The following PEPD variants were observed in gnomAD, a reference collection of about 807,000 sequenced individuals.
PEPD encodes the protein peptidase D.
PEPD carries 53 observed loss-of-function variants against 60.7 expected under a neutral mutation model. The ratio of observed to expected loss-of-function variants is 0.87; its 90% CI spans 0.70 to 1.10. The LOEUF (loss-of-function observed/expected upper bound fraction) is 1.10. Ranked by LOEUF, PEPD falls within the 50% of genes least tolerant of loss-of-function variation. PEPD has a pLI of 0.00. For missense variants in PEPD, 711 were observed against 711.9 expected (o/e 1.00, Z 0.01); for synonymous variants, 267 against 284.1 (o/e 0.94, Z 0.60).
intron 1 of PEPD, among the ~76,000 whole-genome samples, chr19:33,519,825 G>C (rs1171768596): frequency 6.6e-6 from 1 of 152,156 alleles, no homozygotes; most frequent in African/African-American, 2.4e-5. Context: ...TAGCACTTTG[G>C]GAGGCGGAGG....
chr19:33,393,534 G>A (rs902700115), intron 12 of PEPD, among the ~76,000 whole-genome samples: 50 of 137,090 alleles, frequency 3.6e-4, no homozygotes, highest in Non-Finnish European at 6.7e-4. Context: ...CCACCTCCGT[G>A]AGCCTCAGCT....
Position 33,413,589 on chromosome 19 carries a change from G to C in PEPD, c.726C>G (p.Thr242=). 6.3e-7 allele frequency: 1 copy of C among 1,579,752 alleles called. No homozygotes were observed. Among genetic ancestry groups the C allele is most frequent in the Non-Finnish European group, 8.6e-7 (1 of 1,161,522 alleles). The change falls in exon 10 of 15, where the codon ACC becomes ACG. Residue 242 remains threonine, a synonymous_variant. Transcript: ENST00000244137. ...SRGGMRHSSY[T]CICGSGENSA... is the part of the protein sequence containing the mutation. ...GCCCCGCTTACCTGCCGCAGATGCA[G>C]GTGTAGGAGCTGTGGCGCATGCCGC...
intron 6 of PEPD, among the ~76,000 whole-genome samples, chr19:33,478,764 T>G (rs1466218478): frequency 6.6e-6 from 1 of 151,490 alleles, no homozygotes; most frequent in Non-Finnish European, 1.5e-5. Context: ...ACATCCCAGA[T>G]AAGCAAAACC....
rs146650449 is a variant in PEPD, at chr19:33,399,084, A to G, written c.967+2637T>C. Among the ~76,000 whole-genome samples the G allele has an allele frequency of 1.9e-3, 296 of 152,238 alleles. 2 individuals are homozygous for G. Among genetic ancestry groups the G allele is most frequent in the African/African-American group, 6.5e-3 (270 of 41,542 alleles). ...CTGCAACCTCCGCCTCCTAGGTTCA[A>G]GCGATTCGATTCTCGTGCCTTGGCC... On this transcript the variant is annotated intron_variant, in intron 12 of 14. Transcript: ENST00000244137.
chr19:33,401,771 T>C lies in PEPD; in HGVS notation c.917A>G (p.Tyr306Cys), dbSNP rs755808511. 1.3e-5 allele frequency: 21 copies of C among 1,611,542 alleles called. No individual in the cohort carries two copies. The highest frequency in any genetic ancestry group is 1.8e-5 in the Non-Finnish European group (21 of 1,179,254). The change falls in exon 12 of 15, where the codon TAT becomes TGT. Residue 306 changes from tyrosine (Y) to cysteine (C), a missense_variant. Physicochemically the swap from Tyr to Cys is radical, Grantham distance 194 (BLOSUM62 -2). Coordinates refer to ENST00000244137, the MANE Select transcript of PEPD (RefSeq NM_000285.4). ...GKFTADQKAV[Y>C]EAVLRSSRAV... ...ACGGGAGCTCCGCAGCACTGCCTCA[T>C]AGACGGCCTTCTGGTCTGCAGTGAA...
At chr19:33,458,075 T>C (rs986254572) in intron 9 of PEPD, among the ~76,000 whole-genome samples, 3 of 151,948 alleles carry the variant, frequency 2.0e-5, no homozygotes, top group Admixed American at 2.0e-4. Flanking sequence ...GTGTATGGTG[T>C]GTAGTGTGTG....
chr19:33,409,340 C>T (rs1253954237), intron 11 of PEPD, among the ~76,000 whole-genome samples: 1 of 152,224 alleles, frequency 6.6e-6, no homozygotes, highest in Non-Finnish European at 1.5e-5. Context: ...CCTCCAGGCC[C>T]AGCCAGAATG....
At chr19:33,455,029 A>C (rs1194274286) in intron 9 of PEPD, among the ~76,000 whole-genome samples, 1 of 152,230 alleles carries the variant, frequency 6.6e-6, no homozygotes. Flanking sequence ...CAATTCTAAG[A>C]AACTGTCACA....
chr19:33,435,655 G>A (rs1969361664), intron 9 of PEPD, among the ~76,000 whole-genome samples: 1 of 152,256 alleles, frequency 6.6e-6, no homozygotes, highest in Non-Finnish European at 1.5e-5. Context: ...GGGAGTGACA[G>A]CCACGCTTTG....
intron 2 of PEPD, chr19:33,511,364 C>T (rs1466821090): frequency 1.8e-6 from 1 of 568,822 alleles, no homozygotes; most frequent in African/African-American, 1.8e-5. Flanking sequence ...GCTCCTCTAC[C>T]CTGCTGGGAG....
At chr19:33,399,914 G>A (rs147042494) in intron 12 of PEPD, among the ~76,000 whole-genome samples, 1 of 152,150 alleles carries the variant, frequency 6.6e-6, no homozygotes, top group African/African-American at 2.4e-5. Context: ...TGCCTTGGGA[G>A]AGCAGGGGTC....
At position 33,403,986 on chromosome 19, in the gene PEPD, C is replaced by T. The variant is rs576276363; in HGVS notation, c.819-2117G>A. Among the ~76,000 whole-genome samples the T allele has an allele frequency of 1.8e-3, 270 of 152,270 alleles. 1 individual carries two copies. Among genetic ancestry groups the T allele is most frequent in the African/African-American group, 5.7e-3 (238 of 41,544 alleles). On this transcript the variant is annotated intron_variant, in intron 11 of 14. Transcript: ENST00000244137. ...GCTTCCCCACGGCTGGCCGGGAAGG[C>T]GGGGCACATGGAAGCTCTAAACTGA...
At chr19:33,490,600 C>T (rs1298919119) in intron 5 of PEPD, among the ~76,000 whole-genome samples, 1 of 152,160 alleles carries the variant, frequency 6.6e-6, no homozygotes, top group Non-Finnish European at 1.5e-5. Flanking sequence ...GGAATGGAGA[C>T]AAAACAAGGG....
intron 6 of PEPD, among the ~76,000 whole-genome samples, chr19:33,482,120 C>A (rs1354846484): frequency 6.6e-6 from 1 of 152,182 alleles, no homozygotes; most frequent in African/African-American, 2.4e-5. Flanking sequence ...CTAAGCTAGA[C>A]AAAGACACCT....
At chr19:33,454,311 T>TA (rs1422200625) in intron 9 of PEPD, among the ~76,000 whole-genome samples, 1 of 152,076 alleles carries the variant, frequency 6.6e-6, no homozygotes, top group Admixed American at 6.5e-5. Context: ...ACAAGTTTTT[T>TA]AAAAAAGAGG....
Position 33,397,162 on chromosome 19 carries a change from C to T in PEPD, c.967+4559G>A, listed in dbSNP as rs966669910. On this transcript the variant is annotated intron_variant, in intron 12 of 14. Transcript: ENST00000244137. ...AGGGTAGGGTCTCCGTCTGAGCGAG[C>T]GCAGCCTCCTTCCTCGCCGACTGTG... 4.6e-5 allele frequency among the ~76,000 whole-genome samples: 7 copies of T among 152,310 alleles called. No individual in the cohort carries two copies. In the South Asian group the frequency reaches 8.3e-4, roughly 18 times the overall value.
intron 9 of PEPD, among the ~76,000 whole-genome samples, chr19:33,440,310 G>A (rs899460186): frequency 4.6e-5 from 7 of 152,076 alleles, no homozygotes; most frequent in Admixed American, 4.6e-4. Flanking sequence ...ACCCAGCCCT[G>A]ATGGGCTGCT....
chr19:33,471,990 C>T (rs572037775), intron 7 of PEPD, among the ~76,000 whole-genome samples: 24 of 152,176 alleles, frequency 1.6e-4, no homozygotes, highest in Admixed American at 5.2e-4. Flanking sequence ...GCAGGAACCC[C>T]GTCTCTACTA....
intron 1 of PEPD, among the ~76,000 whole-genome samples, chr19:33,518,953 T>C (rs977017478): frequency 6.6e-6 from 1 of 152,064 alleles, no homozygotes; most frequent in African/African-American, 2.4e-5. Context: ...AAGAATCATA[T>C]AGAGGACAAG....
Sources: allele counts gnomAD v4.1 joint callset (sites outside exome capture counted in the v4.1 genomes callset), GRCh38; gene constraint gnomAD v4.1.1; transcripts MANE v1.5; gene names NCBI Gene and HGNC (gene_info 2026-07-23, HGNC 2026-07-21).